Variants in BCKDHB observed in about 807,000 individuals in gnomAD.
BCKDHB encodes the protein branched chain keto acid dehydrogenase E1 subunit beta.
Under a neutral mutation model 48.5 loss-of-function variants are expected in BCKDHB, and 41 were observed. The ratio of observed to expected loss-of-function variants is 0.85; its 90% CI spans 0.66 to 1.10. BCKDHB has a LOEUF of 1.10. Ranked by LOEUF, BCKDHB falls within the 50% of genes least tolerant of loss-of-function variation. The pLI is 0.00. For missense variants in BCKDHB, 496 were observed against 494.2 expected (o/e 1.00, Z -0.03); for synonymous variants, 201 against 174.8 (o/e 1.15, Z -1.18).
intron 5 of BCKDHB, chr6:80,169,736 T>C (rs946335448): frequency 7.7e-6 from 11 of 1,435,814 alleles, no homozygotes; most frequent in South Asian, 6.5e-5. Flanking sequence ...GTATATTTGT[T>C]TTTTGACCAC....
At chr6:80,123,942 A>G (rs540741755) in intron 1 of BCKDHB, among the ~76,000 whole-genome samples, 55 of 152,026 alleles carry the variant, frequency 3.6e-4, no homozygotes, top group African/African-American at 1.2e-3. Flanking sequence ...TAGCTTTTGA[A>G]TTTATTTGCT....
At chr6:80,299,966 T>C (rs1313182155) in intron 9 of BCKDHB, among the ~76,000 whole-genome samples, 2 of 151,800 alleles carry the variant, frequency 1.3e-5, no homozygotes, top group African/African-American at 4.8e-5. Context: ...CCATATCACA[T>C]GTAATGACAT....
At chr6:80,450,556 G>A in the BCKDHB span, among the ~76,000 whole-genome samples, 4 of 152,084 alleles carry the variant, frequency 2.6e-5, no homozygotes, top group Non-Finnish European at 4.4e-5. Flanking sequence ...AAGGACAATA[G>A]ATAAACTAGA....
chr6:80,120,948 C>T (rs1716833321), intron 1 of BCKDHB, among the ~76,000 whole-genome samples: 2 of 152,142 alleles, frequency 1.3e-5, no homozygotes. Context: ...ATACCTATGT[C>T]CTGAATGGTA....
chr6:80,213,751 C>T (rs1775049635), intron 8 of BCKDHB, among the ~76,000 whole-genome samples: 1 of 151,654 alleles, frequency 6.6e-6, no homozygotes, highest in Non-Finnish European at 1.5e-5. Context: ...TTCTCTCCAG[C>T]TCTTTTTCCT....
intron 9 of BCKDHB, among the ~76,000 whole-genome samples, chr6:80,333,933 A>G (rs1232979451): frequency 6.6e-6 from 1 of 152,106 alleles, no homozygotes; most frequent in Non-Finnish European, 1.5e-5. Context: ...TTTATTAGAA[A>G]TTTGTCTATA....
At chr6:80,211,951 A>C (rs1582367569) in intron 8 of BCKDHB, among the ~76,000 whole-genome samples, 3 of 152,146 alleles carry the variant, frequency 2.0e-5, no homozygotes. Context: ...CAAAGATCAC[A>C]TGCTTCAAAA....
chr6:80,239,138 A>G (rs1776271930), intron 8 of BCKDHB, among the ~76,000 whole-genome samples: 1 of 152,190 alleles, frequency 6.6e-6, no homozygotes, highest in African/African-American at 2.4e-5. Flanking sequence ...GCTAGGTCAG[A>G]TGGTATTTCT....
chr6:80,249,893 A>G (rs1278888959), intron 8 of BCKDHB, among the ~76,000 whole-genome samples: 1 of 152,176 alleles, frequency 6.6e-6, no homozygotes, highest in East Asian at 1.9e-4. Context: ...TTGTAAGGTA[A>G]GTTGTGGCAT....
intron 6 of BCKDHB, among the ~76,000 whole-genome samples, chr6:80,194,312 C>T (rs1230396438): frequency 6.6e-6 from 1 of 152,012 alleles, no homozygotes; most frequent in African/African-American, 2.4e-5. Flanking sequence ...TCATATGTAC[C>T]TTTCACTCAG....
At chr6:80,117,381 G>C (rs1769760160) in intron 1 of BCKDHB, among the ~76,000 whole-genome samples, 1 of 152,172 alleles carries the variant, frequency 6.6e-6, no homozygotes, top group African/African-American at 2.4e-5. Context: ...CTGAGCATCA[G>C]TGCAATAAGA....
intron 8 of BCKDHB, among the ~76,000 whole-genome samples, chr6:80,261,789 G>A (rs146815132): frequency 6.6e-6 from 1 of 152,278 alleles, no homozygotes; most frequent in East Asian, 1.9e-4. Context: ...TGGATGTTAA[G>A]TAGATTATTC....
chr6:80,456,487 G>A, the BCKDHB span, among the ~76,000 whole-genome samples: 1 of 152,000 alleles, frequency 6.6e-6, no homozygotes, highest in Non-Finnish European at 1.5e-5. Context: ...TTAATCCCCG[G>A]TAAAAGTTTA....
chr6:80,245,041 C>G (rs1776551309), intron 8 of BCKDHB, among the ~76,000 whole-genome samples: 1 of 151,874 alleles, frequency 6.6e-6, no homozygotes, highest in African/African-American at 2.4e-5. Context: ...TATCAGTTTC[C>G]TCATCTATAA....
chr6:80,168,974 G>A lies in BCKDHB; in HGVS notation c.577G>A (p.Ala193Thr). 1.2e-6 allele frequency: 2 copies of A among 1,614,162 alleles called. No individual in the cohort carries two copies. Among genetic ancestry groups the A allele is most frequent in the African/African-American group, 1.3e-5 (1 of 75,046 alleles). The change falls in exon 5 of 10, where the codon GCT becomes ACT. Residue 193 changes from alanine to threonine, a missense_variant. Physicochemically the swap from Ala to Thr is moderately conservative, Grantham distance 58. Coordinates refer to ENST00000320393, the MANE Select transcript of BCKDHB (RefSeq NM_183050.4). Reference sequence around the variant, plus strand: ...CCCTTGGGGCTGTGTTGGTCATGGGGCTCTCTATCATTCTCAGAGTCCTGA... The same window carrying A: ...CCCTTGGGGCTGTGTTGGTCATGGGACTCTCTATCATTCTCAGAGTCCTGA... The part of the protein sequence containing the change: ...RSPWGCVGHG[A>T]LYHSQSPEAF...
chr6:80,286,651 G>A lies in BCKDHB; in HGVS notation c.1038+13430G>A, dbSNP rs186360082. 1.2e-4 allele frequency among the ~76,000 whole-genome samples: 18 copies of A among 152,228 alleles called. No individual in the cohort carries two copies. In the East Asian group the frequency reaches 3.3e-3, roughly 28 times the overall value. ...ATATGGATAATTGCTTTGAGTTAAC[G>A]GGGAGGATAGATGGGCTTCTCAGGT... On this transcript the variant is annotated intron_variant, in intron 9 of 9. Transcript: ENST00000320393.
At chr6:80,387,132 T>A in the BCKDHB span, among the ~76,000 whole-genome samples, 1 of 152,160 alleles carries the variant, frequency 6.6e-6, no homozygotes, top group African/African-American at 2.4e-5. Context: ...CCAGTTAAAG[T>A]AGAGGCTTAT....
the BCKDHB span, among the ~76,000 whole-genome samples, chr6:80,416,686 A>C: frequency 1.5e-4 from 23 of 151,582 alleles, no homozygotes; most frequent in African/African-American, 5.3e-4. Context: ...GCTGAGGAGT[A>C]TTTTACTTCT....
intron 9 of BCKDHB, among the ~76,000 whole-genome samples, chr6:80,333,556 G>T (rs1301719330): frequency 6.6e-6 from 1 of 151,972 alleles, no homozygotes; most frequent in Non-Finnish European, 1.5e-5. Context: ...TGCCAATTAT[G>T]CACGGAATTG....
Sources: gnomAD v4.1 joint callset for allele counts (sites outside exome capture counted in the v4.1 genomes callset) on GRCh38, gnomAD v4.1.1 for gene constraint, MANE v1.5 for transcripts, NCBI Gene and HGNC (gene_info 2026-07-23, HGNC 2026-07-21) for gene names.